SHROOM2: variants seen among roughly 807,000 people sequenced by gnomAD.
The protein encoded by SHROOM2 is protein Shroom2.
SHROOM2 carries 33 observed loss-of-function variants against 75.9 expected under a neutral mutation model. The observed-to-expected ratio is 0.43, with a 90% CI of 0.33 to 0.58. The LOEUF (loss-of-function observed/expected upper bound fraction) is 0.58. Ranked by LOEUF, SHROOM2 falls within the 20% of genes least tolerant of loss-of-function variation. The probability of loss-of-function intolerance (pLI) is 0.04; values close to 1 mark genes in which losing one functional copy is unlikely to be tolerated. For synonymous variants in SHROOM2, 655 were observed against 663.6 expected (o/e 0.99, Z 0.20); for missense variants, 1,434 against 1,461.2 (o/e 0.98, Z 0.30).
chrX:9,944,943 G>A (rs1327604872), intron 9 of SHROOM2, 30 bp downstream of exon 9: 2 of 1,167,447 alleles, frequency 1.7e-6, no homozygotes, highest in African/African-American at 1.8e-5. Flanking sequence ...ACTTGGAAAT[G>A]GGGGGTGGTC....
intron 1 of SHROOM2, among the ~76,000 whole-genome samples, chrX:9,852,626 C>T (rs185315303): frequency 1.5e-3 from 169 of 112,923 alleles, no homozygotes; most frequent in African/African-American, 5.2e-3. Flanking sequence ...TCCCTCACAT[C>T]GCCCACTTTC....
chrX:9,917,554 T>C (rs1339298671), intron 5 of SHROOM2, among the ~76,000 whole-genome samples: 1 of 111,448 alleles, frequency 9.0e-6, no homozygotes, highest in Non-Finnish European at 1.9e-5. Flanking sequence ...GGAGTCTCGC[T>C]CTGTCACCCA....
At chrX:9,844,434 C>T (rs1324352923) in intron 1 of SHROOM2, among the ~76,000 whole-genome samples, 3 of 110,870 alleles carry the variant, frequency 2.7e-5, no homozygotes. Context: ...CACTTGAGAG[C>T]TTGGGAGGTC....
intron 1 of SHROOM2, among the ~76,000 whole-genome samples, chrX:9,831,313 A>G (rs750177199): frequency 8.9e-6 from 1 of 112,252 alleles, no homozygotes; most frequent in East Asian, 2.8e-4. Context: ...CCAAGTGTCT[A>G]GGGGATGGGG....
chrX:9,936,750 C>T (rs1028914503), intron 6 of SHROOM2, among the ~76,000 whole-genome samples: 2 of 112,355 alleles, frequency 1.8e-5, no homozygotes, highest in Admixed American at 9.4e-5. Context: ...CCATCCACTG[C>T]AGGCTTCCCC....
At position 9,841,475 on chromosome X, in the gene SHROOM2, G is replaced by A. The variant is rs556610501; in HGVS notation, c.166-32177G>A. Among the ~76,000 whole-genome samples the A allele has an allele frequency of 2.7e-3, 305 of 111,695 alleles. 1 individual carries two copies. Among genetic ancestry groups the A allele is most frequent in the African/African-American group, 9.2e-3 (281 of 30,705 alleles). On this transcript the variant is annotated intron_variant, in intron 1 of 9. Coordinates refer to ENST00000380913, the MANE Select transcript of SHROOM2 (RefSeq NM_001649.4). ...GGGCCATCTAACATTCCTAGGAAGG[G>A]AAGGAGGAGGCAGGAGGGAGACACT...
rs1040607578 is a variant in SHROOM2 at position 9,819,282 on chromosome X, A to G, written c.165+32572A>G. Reference sequence around the variant, plus strand: ...ATTGGCCTCCTGAGATCCATTCACAATGTAACAATGTATCCCACCAAAATA... The same window carrying G: ...ATTGGCCTCCTGAGATCCATTCACAGTGTAACAATGTATCCCACCAAAATA... On this transcript the variant is annotated intron_variant, in intron 1 of 9. Coordinates refer to ENST00000380913, the MANE Select transcript of SHROOM2 (RefSeq NM_001649.4). 8.2e-5 allele frequency: 52 copies of G among 630,367 alleles called. No individual in the cohort carries two copies. The Admixed American group carries it at 1.4e-3, about 17-fold the overall frequency. 51.9% of individuals were successfully genotyped at this position (630,367 alleles called of 1,213,427 possible).
At chrX:9,845,680 C>A (rs1458407496) in intron 1 of SHROOM2, among the ~76,000 whole-genome samples, 1 of 110,686 alleles carries the variant, frequency 9.0e-6, no homozygotes. Flanking sequence ...TCCCGTCACC[C>A]TCCTTTCTGT....
chrX:9,815,371 T>C (rs775559569), intron 1 of SHROOM2, among the ~76,000 whole-genome samples: 15 of 108,836 alleles, frequency 1.4e-4, no homozygotes, highest in African/African-American at 5.0e-4. Context: ...AACCACTCTT[T>C]GTACCAAAAT....
intron 2 of SHROOM2, among the ~76,000 whole-genome samples, chrX:9,878,888 G>C (rs1396523228): frequency 1.8e-5 from 2 of 111,868 alleles, no homozygotes; most frequent in Non-Finnish European, 3.8e-5. Context: ...TGATTCAGGA[G>C]TGGGTATTTC....
intron 1 of SHROOM2, among the ~76,000 whole-genome samples, chrX:9,843,101 T>C (rs1464517690): frequency 1.8e-5 from 2 of 111,805 alleles, no homozygotes; most frequent in Admixed American, 1.9e-4. Context: ...TTGTTGTTTT[T>C]TAAATACCAT....
At position 9,937,545 on chromosome X, in the gene SHROOM2, C is replaced by T; in HGVS notation, c.3999C>T (p.Ile1333=). ...GGAAGGATAAGTCCCTGGCCGACAT[C>T]CTGGATCCCAGTGTGAAGATCAAAA... ...IVGKDKSLAD[I]LDPSVKIKTT... Residue 1333 remains isoleucine, a synonymous_variant, in exon 7 of 10, where the codon ATC becomes ATT. Transcript: ENST00000380913. 1 of 1,211,896 alleles carries T rather than the reference C, an allele frequency of 8.3e-7. No individual in the cohort carries two copies. Among genetic ancestry groups the T allele is most frequent in the Non-Finnish European group, 1.1e-6 (1 of 895,535 alleles).
chrX:9,856,243 G>A (rs186920725), intron 1 of SHROOM2, among the ~76,000 whole-genome samples: 3 of 110,443 alleles, frequency 2.7e-5, no homozygotes, highest in African/African-American at 9.9e-5. Context: ...CAAGAGTTCA[G>A]CATGGAGAAA....
At chrX:9,846,693 G>T in intron 1 of SHROOM2, among the ~76,000 whole-genome samples, 1 of 112,318 alleles carries the variant, frequency 8.9e-6, no homozygotes, top group Non-Finnish European at 1.9e-5. Flanking sequence ...CAGTCTGTGT[G>T]TTTTTCTAAA....
rs946110445 is a variant in SHROOM2 at position 9,932,679 on chromosome X, T to C, written c.3396T>C (p.Cys1132=). ...QPQDTPKATV[C]ERGSQHVSGD... is the part of the protein sequence containing the mutation. ...AGGACACCCCGAAGGCCACTGTCTG[T>C]GAGCGTGGAAGCCAGCATGTGAGCG... The change falls in exon 6 of 10, where the codon TGT becomes TGC. Residue 1132 remains cysteine (C), a synonymous_variant. Coordinates refer to ENST00000380913, the MANE Select transcript of SHROOM2 (RefSeq NM_001649.4). The C allele has an allele frequency of 3.0e-5, 36 of 1,210,242 alleles. No homozygotes were observed. The highest frequency in any genetic ancestry group is 3.7e-5 in the Non-Finnish European group (33 of 895,188).
chrX:9,863,200 C>A (rs1176346736), intron 1 of SHROOM2, among the ~76,000 whole-genome samples: 1 of 111,766 alleles, frequency 8.9e-6, no homozygotes, highest in African/African-American at 3.3e-5. Context: ...CTCCCAGTCA[C>A]TCCTGGGACA....
At chrX:9,939,410 AG>A in intron 8 of SHROOM2, 44 bp downstream of exon 8, 1 of 1,095,677 alleles carries the variant, frequency 9.1e-7, no homozygotes, top group Non-Finnish European at 1.2e-6. Flanking sequence ...GTGTCCAGGC[AG>A]GGGCAGGCAT....
chrX:9,939,939 A>C (rs915628196), intron 8 of SHROOM2, among the ~76,000 whole-genome samples: 2 of 111,019 alleles, frequency 1.8e-5, no homozygotes, highest in African/African-American at 3.3e-5. Flanking sequence ...GGCACCTGCC[A>C]CCAAGCCTTG....
At chrX:9,860,434 T>G (rs1202249376) in intron 1 of SHROOM2, among the ~76,000 whole-genome samples, 3 of 110,954 alleles carry the variant, frequency 2.7e-5, no homozygotes, top group Non-Finnish European at 5.7e-5. Context: ...ATGTCAATAT[T>G]TTTTTTTGAG....
Sources: allele counts gnomAD v4.1 joint callset (sites outside exome capture counted in the v4.1 genomes callset), GRCh38; gene constraint gnomAD v4.1.1; transcripts MANE v1.5; gene names NCBI Gene and HGNC (gene_info 2026-07-23, HGNC 2026-07-21).